The following OR51B5 variants were observed in gnomAD, a reference collection of about 807,000 sequenced individuals.
OR51B5 encodes the protein olfactory receptor family 51 subfamily B member 5.
For synonymous variants in OR51B5, 186 were observed against 144.8 expected, an observed-to-expected ratio of 1.28 and a Z score of -2.04; for missense variants, 456 against 374.6, an observed-to-expected ratio of 1.22 and a Z score of -1.79.
At chr11:5,452,615 T>C (rs1337139567) in intron 1 of OR51B5, among the ~76,000 whole-genome samples, 1 of 145,408 alleles carries the variant, frequency 6.9e-6, no homozygotes, top group Non-Finnish European at 1.5e-5. Context: ...ATGGAGAGAG[T>C]ATGTGAATGA....
chr11:5,444,873 G>A (rs1405105684), intron 1 of OR51B5, among the ~76,000 whole-genome samples: 2 of 152,098 alleles, frequency 1.3e-5, no homozygotes, highest in Non-Finnish European at 2.9e-5. Flanking sequence ...ATATCTATTA[G>A]TGTGTTAATC....
intron 1 of OR51B5, chr11:5,505,449 T>A (rs188595565): frequency 2.3e-6 from 3 of 1,303,798 alleles, no homozygotes; most frequent in South Asian, 1.2e-5. Context: ...ACAAAAACTA[T>A]CCCCTAATGG....
intron 1 of OR51B5, among the ~76,000 whole-genome samples, chr11:5,358,263 AAAAGAGAGAAG>A (rs551733340): frequency 0.015 from 2,246 of 152,270 alleles, 58 homozygotes; most frequent in African/African-American, 0.051. Context: ...AATAAAGAAG[AAAAGAGAGAAG>A]AATCAAATAG....
At chr11:5,343,038 A>C in exon 1 of OR51B5, 1 of 1,613,950 alleles carries the variant, frequency 6.2e-7, no homozygotes, top group Non-Finnish European at 8.5e-7. Context: ...TACAGAAAAA[A>C]ATAGAGGGGC....
At chr11:5,415,611 A>G (rs545014325) in intron 1 of OR51B5, among the ~76,000 whole-genome samples, 1 of 152,352 alleles carries the variant, frequency 6.6e-6, no homozygotes, top group South Asian at 2.1e-4. Flanking sequence ...CCGATCCCAC[A>G]GAAATACAAA....
intron 1 of OR51B5, among the ~76,000 whole-genome samples, chr11:5,475,481 T>C (rs1230473465): frequency 6.6e-6 from 1 of 152,180 alleles, no homozygotes; most frequent in Admixed American, 6.6e-5. Context: ...GCTAGTTATT[T>C]ATCCACCAAC....
chr11:5,447,537 T>A (rs1850784435), intron 1 of OR51B5, among the ~76,000 whole-genome samples: 1 of 152,208 alleles, frequency 6.6e-6, no homozygotes, highest in African/African-American at 2.4e-5. Context: ...TTTCCAGGAT[T>A]AAATATATTC....
chr11:5,390,451 A>G, intron 1 of OR51B5: 3 of 1,280,806 alleles, frequency 2.3e-6, no homozygotes, highest in South Asian at 1.6e-5. Flanking sequence ...TGGAGTATTG[A>G]GTATATAGCA....
At chr11:5,474,191 T>A (rs1031636857) in intron 1 of OR51B5, among the ~76,000 whole-genome samples, 2 of 152,190 alleles carry the variant, frequency 1.3e-5, no homozygotes, top group African/African-American at 4.8e-5. Context: ...ATGAGTATTT[T>A]TATTCACCTT....
chr11:5,490,055 T>C (rs1450528634), intron 1 of OR51B5, among the ~76,000 whole-genome samples: 1 of 152,200 alleles, frequency 6.6e-6, no homozygotes, highest in African/African-American at 2.4e-5. Context: ...ACTTTGAATA[T>C]TGACGTATTG....
At chr11:5,412,672 CG>C (rs1156453561) in intron 1 of OR51B5, among the ~76,000 whole-genome samples, 5 of 152,172 alleles carry the variant, frequency 3.3e-5, no homozygotes, top group Admixed American at 6.5e-5. Context: ...CCTACGCCGA[CG>C]GAGTCTCGCT....
intron 1 of OR51B5, chr11:5,352,234 A>C: frequency 6.2e-7 from 1 of 1,614,170 alleles, no homozygotes; most frequent in Non-Finnish European, 8.5e-7. Context: ...TGTCTCTCAT[A>C]TCTGCTGCAT....
intron 1 of OR51B5, among the ~76,000 whole-genome samples, chr11:5,463,153 A>C (rs1302957161): frequency 6.6e-6 from 1 of 152,238 alleles, no homozygotes; most frequent in Middle Eastern, 3.2e-3. Flanking sequence ...ATATGTATGA[A>C]ATAGAATAAA....
intron 1 of OR51B5, among the ~76,000 whole-genome samples, chr11:5,375,852 T>G (rs1231235857): frequency 6.6e-6 from 1 of 151,956 alleles, no homozygotes; most frequent in African/African-American, 2.4e-5. Flanking sequence ...ACTCCCACAC[T>G]TTAATAATGG....
At chr11:5,461,888 T>C (rs745855953) in intron 1 of OR51B5, among the ~76,000 whole-genome samples, 1 of 152,220 alleles carries the variant, frequency 6.6e-6, no homozygotes, top group Non-Finnish European at 1.5e-5. Context: ...GTATCCACTC[T>C]GGATGCCTTC....
chr11:5,499,122 G>A (rs1185804253), intron 1 of OR51B5, among the ~76,000 whole-genome samples: 2 of 152,164 alleles, frequency 1.3e-5, no homozygotes, highest in South Asian at 2.1e-4. Flanking sequence ...GGATGACAGG[G>A]CACAAAGTTC....
At chr11:5,372,920 T>G (rs1849467022) in intron 1 of OR51B5, among the ~76,000 whole-genome samples, 1 of 152,144 alleles carries the variant, frequency 6.6e-6, no homozygotes, top group African/African-American at 2.4e-5. Flanking sequence ...GATTTCAAAT[T>G]ATATTACAAA....
intron 1 of OR51B5, among the ~76,000 whole-genome samples, chr11:5,438,915 A>G (rs1403517564): frequency 6.6e-6 from 1 of 152,220 alleles, no homozygotes; most frequent in Non-Finnish European, 1.5e-5. Flanking sequence ...CAGATTAAAC[A>G]TATCCCATCT....
chr11:5,411,738 G>A (rs1850151817), intron 1 of OR51B5, among the ~76,000 whole-genome samples: 1 of 152,150 alleles, frequency 6.6e-6, no homozygotes, highest in Non-Finnish European at 1.5e-5. Context: ...AATCAAGTGA[G>A]CCCAACATAA....
Sources: gnomAD v4.1 joint callset for allele counts (sites outside exome capture counted in the v4.1 genomes callset) on GRCh38, gnomAD v4.1.1 for gene constraint, MANE v1.5 for transcripts, NCBI Gene and HGNC (gene_info 2026-07-23, HGNC 2026-07-21) for gene names.